The following RBFOX3 variants were observed in gnomAD, a reference collection of about 807,000 sequenced individuals.
The protein encoded by RBFOX3 is RNA binding protein fox-1 homolog 3.
RBFOX3 carries 17 observed loss-of-function variants against 48.7 expected under a neutral mutation model. The observed-to-expected ratio is 0.35, with a 90% CI of 0.24 to 0.52. The LOEUF is 0.52. Among genes scored for constraint, RBFOX3 ranks in the 20% least tolerant of loss-of-function variants. The pLI is 0.94. For synonymous variants in RBFOX3, 212 were observed against 209.5 expected (o/e 1.01, Z -0.10); for missense variants, 382 against 497.5 (o/e 0.77, Z 2.21).
chr17:79,573,814 G>A (rs909390026), intron 1 of RBFOX3, among the ~76,000 whole-genome samples: 1 of 152,146 alleles, frequency 6.6e-6, no homozygotes, highest in Non-Finnish European at 1.5e-5. Flanking sequence ...TCTGCCCGGT[G>A]GGGGGAGGGT....
intron 4 of RBFOX3, among the ~76,000 whole-genome samples, chr17:79,120,660 G>T (rs375164142): frequency 7.1e-6 from 1 of 140,160 alleles, no homozygotes; most frequent in Non-Finnish European, 1.5e-5. Context: ...GTGGATGCAC[G>T]GATGAATGGA....
chr17:79,280,843 G>GA (rs1042513580), intron 3 of RBFOX3, among the ~76,000 whole-genome samples: 3 of 110,966 alleles, frequency 2.7e-5, no homozygotes, highest in Non-Finnish European at 5.8e-5. Context: ...TCCCATTGTG[G>GA]GGGGGGGGAG....
At chr17:79,097,663 T>TACCCAACCCCCCCC in intron 10 of RBFOX3, 29 bp downstream of exon 10, 1 of 1,384,076 alleles carries the variant, frequency 7.2e-7, no homozygotes, top group Non-Finnish European at 9.8e-7. Flanking sequence ...GCTGGTCTCA[T>TACCCAACCCCCCCC]CCCATCCCCG....
At chr17:79,138,652 T>TGTTCATGCCCCCCTCACCCACACATGCAC (rs2040870847) in intron 4 of RBFOX3, among the ~76,000 whole-genome samples, 1 of 16,176 alleles carries the variant, frequency 6.2e-5, no homozygotes, top group Admixed American at 6.8e-4. Context: ...CACACGCACA[T>TGTTCATGCCCCCCTCACCCACACATGCAC]ACACAGCACA....
the RBFOX3 span, among the ~76,000 whole-genome samples, chr17:79,621,726 G>A: frequency 1.3e-5 from 2 of 152,328 alleles, no homozygotes; most frequent in South Asian, 2.1e-4. Context: ...TCAGGGGCAC[G>A]TGGCTGTGTG....
chr17:79,283,547 G>A (rs1203112568), intron 3 of RBFOX3, among the ~76,000 whole-genome samples: 1 of 151,914 alleles, frequency 6.6e-6, no homozygotes, highest in African/African-American at 2.4e-5. Context: ...GGGATTACAG[G>A]CGTGAGCTAT....
At chr17:79,307,452 C>T (rs1369341187) in intron 3 of RBFOX3, among the ~76,000 whole-genome samples, 1 of 152,224 alleles carries the variant, frequency 6.6e-6, no homozygotes, top group Non-Finnish European at 1.5e-5. Context: ...TACTTACCTC[C>T]CTTGCTTGCT....
intron 1 of RBFOX3, among the ~76,000 whole-genome samples, chr17:79,543,396 C>T (rs1197382725): frequency 7.2e-5 from 11 of 152,106 alleles, no homozygotes; most frequent in African/African-American, 2.4e-4. Context: ...AGTGAAAGGA[C>T]GCCTGAAATG....
chr17:79,487,913 G>GACAAAAAAAAA (rs1757957353), intron 1 of RBFOX3, among the ~76,000 whole-genome samples: 2 of 76,902 alleles, frequency 2.6e-5, no homozygotes, highest in South Asian at 7.8e-4. Context: ...CCCCATCTCA[G>GACAAAAAAAAA]AAAAAAAAAA....
chr17:79,369,499 C>T (rs550413347), intron 2 of RBFOX3, among the ~76,000 whole-genome samples: 2 of 152,142 alleles, frequency 1.3e-5, no homozygotes, highest in Admixed American at 6.5e-5. Flanking sequence ...TCCCCTCGAA[C>T]ACCAGGCATA....
At position 79,156,349 on chromosome 17, in the gene RBFOX3, C is replaced by T. The variant is rs554674686; in HGVS notation, c.-33-40601G>A. On this transcript the variant is annotated intron_variant, in intron 4 of 14. Coordinates refer to ENST00000693108, the MANE Select transcript of RBFOX3 (RefSeq NM_001350451.2). ...CCATGGCTTCTCTGGACCAGCCTCC[C>T]GGGGCCTACACCAGAGGAAGAGCCC... 3.0e-4 allele frequency among the ~76,000 whole-genome samples: 46 copies of T among 152,264 alleles called. 1 individual carries two copies. The East Asian group carries it at 7.4e-3, about 24-fold the overall frequency.
At chr17:79,317,756 T>C (rs2077735719) in intron 2 of RBFOX3, among the ~76,000 whole-genome samples, 1 of 146,366 alleles carries the variant, frequency 6.8e-6, no homozygotes, top group African/African-American at 2.5e-5. Context: ...ATCACAATCT[T>C]AAAAAAAAAA....
intron 2 of RBFOX3, among the ~76,000 whole-genome samples, chr17:79,432,414 C>A (rs1349169762): frequency 1.3e-5 from 2 of 152,196 alleles, no homozygotes; most frequent in Non-Finnish European, 2.9e-5. Flanking sequence ...GCCAGCTTGG[C>A]TCATGGAGGA....
At chr17:79,626,765 C>T in the RBFOX3 span, among the ~76,000 whole-genome samples, 1,356 of 152,332 alleles carry the variant, frequency 8.9e-3, 26 homozygotes, top group African/African-American at 0.03. Context: ...TTGGGCCAAG[C>T]ATGTGGGCCG....
chr17:79,647,954 G>A, the RBFOX3 span, among the ~76,000 whole-genome samples: 2 of 150,832 alleles, frequency 1.3e-5, no homozygotes, highest in African/African-American at 4.9e-5. Context: ...GTGCAGTGGT[G>A]GACACAGAGC....
At chr17:79,117,969 AC>A (rs1311771057) in intron 4 of RBFOX3, among the ~76,000 whole-genome samples, 2 of 151,996 alleles carry the variant, frequency 1.3e-5, no homozygotes, top group African/African-American at 2.4e-5. Context: ...TCTGCTTCAG[AC>A]CCGGCCACCC....
intron 2 of RBFOX3, among the ~76,000 whole-genome samples, chr17:79,456,164 T>A (rs1428325912): frequency 6.6e-6 from 1 of 152,180 alleles, no homozygotes; most frequent in Non-Finnish European, 1.5e-5. Flanking sequence ...CAAGCCTTAA[T>A]GTGCTCCCGA....
intron 13 of RBFOX3, among the ~76,000 whole-genome samples, chr17:79,095,116 C>T (rs916306828): frequency 1.3e-5 from 2 of 152,126 alleles, no homozygotes; most frequent in Non-Finnish European, 2.9e-5. Context: ...GTCCCCAGAC[C>T]AGAGTGGTGG....
At chr17:79,251,708 G>C (rs769985677) in intron 3 of RBFOX3, among the ~76,000 whole-genome samples, 1 of 152,164 alleles carries the variant, frequency 6.6e-6, no homozygotes, top group African/African-American at 2.4e-5. Flanking sequence ...GTGGCCAGAC[G>C]AGTCGGCTGC....
Sources: allele counts gnomAD v4.1 joint callset (sites outside exome capture counted in the v4.1 genomes callset), GRCh38; gene constraint gnomAD v4.1.1; transcripts MANE v1.5; gene names NCBI Gene and HGNC (gene_info 2026-07-23, HGNC 2026-07-21).